The following FILIP1 variants were observed in gnomAD, a reference collection of about 807,000 sequenced individuals.
The protein encoded by FILIP1 is filamin-A-interacting protein 1.
FILIP1 carries 61 observed loss-of-function variants against 102.1 expected under a neutral mutation model. The observed-to-expected ratio is 0.60, with a 90% confidence interval of 0.49 to 0.74. The LOEUF (loss-of-function observed/expected upper bound fraction) is 0.74. FILIP1 is among the 30% of genes least tolerant of loss of function. FILIP1 has a pLI of 0.00. For synonymous variants in FILIP1, 491 were observed against 526.9 expected (o/e 0.93, Z 0.93); for missense variants, 1,314 against 1,441.2 (o/e 0.91, Z 1.43).
intron 4 of FILIP1, among the ~76,000 whole-genome samples, chr6:75,322,305 A>C (rs1773691697): frequency 6.6e-6 from 1 of 152,186 alleles, no homozygotes; most frequent in African/African-American, 2.4e-5. Context: ...ATTTCCGTGT[A>C]ATTATGCTAT....
At chr6:75,292,811 ACT>A (rs1772576264) in exon 7 of FILIP1, 1 of 151,966 alleles carries the variant, frequency 6.6e-6, no homozygotes, top group African/African-American at 2.4e-5. Flanking sequence ...TTCCAGGAAA[ACT>A]CAACCACAGC....
chr6:75,319,614 A>C, intron 4 of FILIP1: 1 of 439,948 alleles, frequency 2.3e-6, no homozygotes, highest in Non-Finnish European at 4.3e-6. Context: ...GCGGATCACA[A>C]GGTCAGGAGA....
chr6:75,420,388 T>C (rs1381016770), intron 1 of FILIP1, among the ~76,000 whole-genome samples: 1 of 152,076 alleles, frequency 6.6e-6, no homozygotes, highest in Admixed American at 6.6e-5. Context: ...GAATGTACAA[T>C]TTGAGTTTTA....
At chr6:75,409,637 T>C (rs1776987768) in intron 2 of FILIP1, among the ~76,000 whole-genome samples, 1 of 152,196 alleles carries the variant, frequency 6.6e-6, no homozygotes, top group Admixed American at 6.5e-5. Flanking sequence ...TGCTAAAATG[T>C]AGGCATAGTT....
intron 6 of FILIP1, among the ~76,000 whole-genome samples, chr6:75,300,401 A>G (rs1772807288): frequency 6.6e-6 from 1 of 152,168 alleles, no homozygotes; most frequent in Non-Finnish European, 1.5e-5. Flanking sequence ...GTACCAGCTT[A>G]GGGTTGTGCT....
chr6:75,347,734 G>C (rs779598301), intron 4 of FILIP1, among the ~76,000 whole-genome samples: 34 of 152,110 alleles, frequency 2.2e-4, no homozygotes, highest in Non-Finnish European at 1.8e-4. Context: ...ACATAGGACA[G>C]TATAATAGTG....
At chr6:75,291,932 CTTG>C (rs1178720123) in exon 7 of FILIP1, 2 of 152,174 alleles carry the variant, frequency 1.3e-5, no homozygotes, top group African/African-American at 2.4e-5. Flanking sequence ...TAATATTACA[CTTG>C]TTATTTTTCT....
At chr6:75,425,081 C>T (rs1031604373) in intron 1 of FILIP1, among the ~76,000 whole-genome samples, 3 of 152,130 alleles carry the variant, frequency 2.0e-5, no homozygotes, top group African/African-American at 7.2e-5. Flanking sequence ...TAAATCAAAG[C>T]ATATACAGCC....
In FILIP1 at chr6:75,362,733, C is replaced by T; in HGVS notation, c.450+11G>A. On this transcript the variant is annotated intron_variant, in intron 3 of 5. Coordinates refer to ENST00000237172, the MANE Select transcript of FILIP1 (RefSeq NM_015687.5). ...TCCCATCCAGGGGACTTGTTGGTGT[C>T]ATATTTTTACCTCTGAAATCGGTTT... 1.2e-6 allele frequency: 2 copies of T among 1,610,916 alleles called. No individual in the cohort carries two copies. The highest frequency in any genetic ancestry group is 8.5e-7 in the Non-Finnish European group (1 of 1,178,914).
chr6:75,405,191 C>T (rs1206434235), intron 2 of FILIP1, among the ~76,000 whole-genome samples: 3 of 152,192 alleles, frequency 2.0e-5, no homozygotes, highest in African/African-American at 7.2e-5. Context: ...TAGGACTTGG[C>T]ATTCAAGTCA....
chr6:75,327,572 G>A (rs1458426281), intron 4 of FILIP1, among the ~76,000 whole-genome samples: 1 of 104,546 alleles, frequency 9.6e-6, no homozygotes. Flanking sequence ...AAGTATATAT[G>A]CATATATATA....
At chr6:75,302,559 C>T (rs892223482) in intron 6 of FILIP1, among the ~76,000 whole-genome samples, 7 of 152,020 alleles carry the variant, frequency 4.6e-5, no homozygotes, top group Admixed American at 2.0e-4. Flanking sequence ...AGGACACATC[C>T]GCCAAAAGAA....
intron 6 of FILIP1, chr6:75,296,920 AT>A (rs1230761337): frequency 6.6e-5 from 10 of 152,264 alleles, no homozygotes; most frequent in Middle Eastern, 3.4e-3. Flanking sequence ...ATTTATCAGT[AT>A]GACTCACTTC....
chr6:75,328,285 T>C (rs1773942221), intron 4 of FILIP1, among the ~76,000 whole-genome samples: 1 of 152,184 alleles, frequency 6.6e-6, no homozygotes, highest in Non-Finnish European at 1.5e-5. Context: ...AGTCCTTATT[T>C]TTTAGAAGTA....
chr6:75,392,590 C>A lies in FILIP1; in HGVS notation c.276+22107G>T, dbSNP rs547682274. Among the ~76,000 whole-genome samples, 3 of 152,282 alleles carry A rather than the reference C, an allele frequency of 2.0e-5. No individual in the cohort carries two copies. In the East Asian group the frequency reaches 5.8e-4, roughly 29 times the overall value. ...ACATATCCCACATTCAACCTGCCAG[C>A]AAATACAATGAGCTCTTCTACACAA... On this transcript the variant is annotated intron_variant, in intron 2 of 5. Transcript: ENST00000237172.
chr6:75,353,643 A>T lies in FILIP1; in HGVS notation c.525T>A (p.Cys175Ter). The stretch of plus-strand genomic sequence containing the variant: ...CTAACTCGTATACGGTGCGCCTATG[A>T]CACTTCTCGGCCAGCAACAGCTGCT... ...MLEQLLLAEK[C>*]HRRTVYELEN... Residue 175 changes from cysteine (C) to a stop codon, truncating the protein, a stop_gained, in exon 4 of 6, where the codon TGT (cysteine) becomes TGA (stop). Coordinates refer to ENST00000237172, the MANE Select transcript of FILIP1 (RefSeq NM_015687.5). LOFTEE classifies it high-confidence loss of function. The T allele has an allele frequency of 6.2e-7, 1 of 1,614,134 alleles. No individual in the cohort carries two copies. Among genetic ancestry groups the T allele is most frequent in the South Asian group, 1.1e-5 (1 of 91,072 alleles).
At chr6:75,301,893 C>A (rs2149534853) in intron 6 of FILIP1, among the ~76,000 whole-genome samples, 1 of 152,114 alleles carries the variant, frequency 6.6e-6, no homozygotes, top group East Asian at 1.9e-4. Context: ...TGATATCTAT[C>A]CTAAATCTAA....
chr6:75,295,052 A>C (rs1772635515), exon 7 of FILIP1: 1 of 151,444 alleles, frequency 6.6e-6, no homozygotes, highest in South Asian at 2.1e-4. Context: ...TTTTATATTC[A>C]AGTTTTGATT....
intron 2 of FILIP1, among the ~76,000 whole-genome samples, chr6:75,366,688 A>G (rs894290864): frequency 2.0e-5 from 3 of 152,224 alleles, no homozygotes; most frequent in Admixed American, 6.5e-5. Context: ...GGTTTCTGTT[A>G]GGTCTCCATG....
Sources: gnomAD v4.1 joint callset for allele counts (sites outside exome capture counted in the v4.1 genomes callset) on GRCh38, gnomAD v4.1.1 for gene constraint, MANE v1.5 for transcripts, NCBI Gene and HGNC (gene_info 2026-07-23, HGNC 2026-07-21) for gene names.